DLGAP1: variants seen among roughly 807,000 people sequenced by gnomAD.
DLGAP1 encodes the protein disks large-associated protein 1.
Under a neutral mutation model 90.8 loss-of-function variants are expected in DLGAP1, and 11 were observed. That is an observed-to-expected ratio of 0.12 (90% confidence interval 0.08 to 0.20). The LOEUF is 0.20. Ranked by LOEUF, DLGAP1 falls within the 10% of genes least tolerant of loss-of-function variation. DLGAP1 has a pLI of 1.00. For synonymous variants in DLGAP1, 558 were observed against 540.7 expected (o/e 1.03, Z -0.44); for missense variants, 1,050 against 1,333.8 (o/e 0.79, Z 3.31).
chr18:4,319,144 ATAAAT>A (rs1428892558), intron 1 of DLGAP1, among the ~76,000 whole-genome samples: 1 of 152,228 alleles, frequency 6.6e-6, no homozygotes, highest in Non-Finnish European at 1.5e-5. Flanking sequence ...GAGGTAAAAA[ATAAAT>A]TAGTTTAAAA....
chr18:3,813,580 T>C (rs1454810854), intron 5 of DLGAP1, among the ~76,000 whole-genome samples: 1 of 152,180 alleles, frequency 6.6e-6, no homozygotes, highest in Non-Finnish European at 1.5e-5. Context: ...AACCTTCACA[T>C]ATCCAATTTT....
intron 2 of DLGAP1, among the ~76,000 whole-genome samples, chr18:4,069,438 A>G (rs529693754): frequency 5.9e-5 from 9 of 152,244 alleles, no homozygotes; most frequent in Admixed American, 2.6e-4. Flanking sequence ...GTAATCCCCG[A>G]TGTTGAAGGT....
intron 9 of DLGAP1, among the ~76,000 whole-genome samples, chr18:3,538,380 A>G (rs542411691): frequency 6.6e-4 from 100 of 152,084 alleles, no homozygotes; most frequent in African/African-American, 2.3e-3. Context: ...TGAGCCAAAA[A>G]AAAAAAAGAA....
At chr18:3,614,821 C>A (rs2057783528) in intron 7 of DLGAP1, among the ~76,000 whole-genome samples, 1 of 147,986 alleles carries the variant, frequency 6.8e-6, no homozygotes. Flanking sequence ...TGCACTCCAG[C>A]CTGGGCAACA....
intron 1 of DLGAP1, among the ~76,000 whole-genome samples, chr18:4,398,102 T>A (rs1049453418): frequency 1.3e-5 from 2 of 152,192 alleles, no homozygotes; most frequent in African/African-American, 4.8e-5. Context: ...ATATCAAAAT[T>A]AATGTTAATA....
intron 10 of DLGAP1, among the ~76,000 whole-genome samples, chr18:3,523,244 G>C (rs1354140920): frequency 1.3e-5 from 2 of 151,868 alleles, no homozygotes; most frequent in African/African-American, 4.8e-5. Context: ...GGGCATGGTG[G>C]TGCATGCCTG....
intron 1 of DLGAP1, among the ~76,000 whole-genome samples, chr18:4,232,191 G>T (rs562852019): frequency 1.7e-4 from 26 of 152,180 alleles, no homozygotes; most frequent in African/African-American, 5.5e-4. Context: ...ATCCAACAAA[G>T]AAACAGATGT....
At chr18:3,920,703 C>T (rs2072251503) in intron 3 of DLGAP1, among the ~76,000 whole-genome samples, 1 of 152,154 alleles carries the variant, frequency 6.6e-6, no homozygotes, top group African/African-American at 2.4e-5. Context: ...TTCAAGGTAC[C>T]CAGGAAGCAA....
At chr18:4,430,093 AC>A (rs1351166129) in intron 1 of DLGAP1, among the ~76,000 whole-genome samples, 1 of 152,206 alleles carries the variant, frequency 6.6e-6, no homozygotes, top group African/African-American at 2.4e-5. Context: ...TTCAAGAGAA[AC>A]ATTCATCATG....
intron 7 of DLGAP1, among the ~76,000 whole-genome samples, chr18:3,622,592 C>T (rs886319853): frequency 6.6e-6 from 1 of 152,170 alleles, no homozygotes; most frequent in Non-Finnish European, 1.5e-5. Flanking sequence ...GGACAAGATC[C>T]AGGCTGACAG....
intron 6 of DLGAP1, among the ~76,000 whole-genome samples, chr18:3,735,950 C>T (rs1230506762): frequency 1.3e-5 from 2 of 151,066 alleles, no homozygotes; most frequent in Admixed American, 6.6e-5. Flanking sequence ...CTCTTTCTCT[C>T]TACACACACA....
At chr18:3,842,930 G>A (rs559740494) in intron 4 of DLGAP1, among the ~76,000 whole-genome samples, 19 of 152,002 alleles carry the variant, frequency 1.2e-4, no homozygotes, top group South Asian at 2.1e-4. Context: ...TTTGTTCCTC[G>A]CCCAGTTAAT....
At chr18:4,373,672 C>A (rs2081961687) in intron 1 of DLGAP1, among the ~76,000 whole-genome samples, 1 of 152,190 alleles carries the variant, frequency 6.6e-6, no homozygotes, top group Non-Finnish European at 1.5e-5. Context: ...AACATACACA[C>A]TCTGGAATTT....
At chr18:4,279,504 G>C (rs2079499754) in intron 1 of DLGAP1, among the ~76,000 whole-genome samples, 1 of 152,154 alleles carries the variant, frequency 6.6e-6, no homozygotes, top group East Asian at 1.9e-4. Context: ...ACCGTTGACT[G>C]AATCTTGGTG....
chr18:3,748,839 G>A (rs145255508), intron 5 of DLGAP1, among the ~76,000 whole-genome samples: 7 of 152,252 alleles, frequency 4.6e-5, no homozygotes, highest in Admixed American at 2.6e-4. Flanking sequence ...TTGGTAAAAC[G>A]AAGCCTTTCT....
At chr18:3,795,050 G>A (rs948368884) in intron 5 of DLGAP1, among the ~76,000 whole-genome samples, 3 of 152,188 alleles carry the variant, frequency 2.0e-5, no homozygotes, top group African/African-American at 7.2e-5. Flanking sequence ...TGTAACTGAA[G>A]CCAATTTCCC....
chr18:4,088,563 G>A (rs1409410963), intron 2 of DLGAP1, among the ~76,000 whole-genome samples: 1 of 151,984 alleles, frequency 6.6e-6, no homozygotes, highest in African/African-American at 2.4e-5. Flanking sequence ...AACCATTCTT[G>A]TAGCACTGTC....
chr18:3,924,318 A>G (rs192727285), intron 3 of DLGAP1, among the ~76,000 whole-genome samples: 42 of 152,332 alleles, frequency 2.8e-4, no homozygotes, highest in Admixed American at 2.5e-3. Flanking sequence ...TGAACAGTTC[A>G]GAAAACAAAA....
intron 5 of DLGAP1, among the ~76,000 whole-genome samples, chr18:3,767,225 T>G (rs2064289338): frequency 6.6e-6 from 1 of 152,118 alleles, no homozygotes; most frequent in Non-Finnish European, 1.5e-5. Context: ...ATATTAGACC[T>G]GTAATTCTTA....
Sources: gnomAD v4.1 joint callset for allele counts (sites outside exome capture counted in the v4.1 genomes callset) on GRCh38, gnomAD v4.1.1 for gene constraint, MANE v1.5 for transcripts, NCBI Gene and HGNC (gene_info 2026-07-23, HGNC 2026-07-21) for gene names.